The following USP40 variants were observed in gnomAD, a reference collection of about 807,000 sequenced individuals.
The protein encoded by USP40 is ubiquitin specific peptidase 40.
In USP40, 143 loss-of-function variants were observed where a neutral mutation model predicts 166.2. The ratio of observed to expected loss-of-function variants is 0.86; its 90% CI spans 0.75 to 0.99. USP40 has a LOEUF of 0.99. USP40 is among the 50% of genes least tolerant of loss of function. The probability of loss-of-function intolerance (pLI) is 0.00; values close to 1 mark genes in which losing one functional copy is unlikely to be tolerated. For synonymous variants in USP40, 498 were observed against 524.0 expected (o/e 0.95, Z 0.68); for missense variants, 1,444 against 1,479.7 (o/e 0.98, Z 0.40).
At position 233,524,580 on chromosome 2, in the gene USP40, G is replaced by A. The variant is rs2067885397; in HGVS notation, c.1811-18C>T. 1.3e-6 allele frequency: 2 copies of A among 1,569,146 alleles called. No individual in the cohort carries two copies. The highest frequency in any genetic ancestry group is 1.9e-5 in the Admixed American group (1 of 53,364). Reference sequence around the variant, plus strand: ...TTCATCCCCTAGAAAGAGATCACCAGTGAGACCATTCATCATGACCATCAG... The same window carrying A: ...TTCATCCCCTAGAAAGAGATCACCAATGAGACCATTCATCATGACCATCAG... On this transcript the variant is annotated intron_variant, in intron 14 of 31. Transcript: ENST00000678225.
At chr2:233,545,521 G>A (rs1192408760) in intron 8 of USP40, 1 of 152,250 alleles carries the variant, frequency 6.6e-6, no homozygotes, top group Non-Finnish European at 1.5e-5. Flanking sequence ...TGAAGCCAAA[G>A]TCCCCCCAGG....
intron 3 of USP40, among the ~76,000 whole-genome samples, 160 bp from the exon 4 acceptor site, chr2:233,560,084 T>A (rs1281581951): frequency 6.6e-6 from 1 of 152,248 alleles, no homozygotes; most frequent in Non-Finnish European, 1.5e-5. Context: ...ATTCAGTTCT[T>A]CTGTGAAAAT....
intron 28 of USP40, chr2:233,487,920 G>A: frequency 1.7e-6 from 1 of 571,792 alleles, no homozygotes. Flanking sequence ...TGAATCCGTT[G>A]GATGGCAGAC....
chr2:233,479,367 A>G (rs147072799), intron 31 of USP40, among the ~76,000 whole-genome samples: 3 of 152,134 alleles, frequency 2.0e-5, no homozygotes, highest in Non-Finnish European at 4.4e-5. Context: ...GATTGAGACC[A>G]TCCTGGCCAA....
chr2:233,529,358 G>T, intron 12 of USP40, 73 bp downstream of exon 12: 5 of 1,229,404 alleles, frequency 4.1e-6, no homozygotes, highest in South Asian at 1.6e-5. Flanking sequence ...TTTCATTACT[G>T]AATGCTTAAG....
intron 6 of USP40, among the ~76,000 whole-genome samples, chr2:233,553,758 T>C (rs1466246662): frequency 6.6e-6 from 1 of 152,228 alleles, no homozygotes; most frequent in African/African-American, 2.4e-5. Context: ...ATTTGAGAAA[T>C]GTCAGAATTC....
rs2068400501 is a variant in USP40, at chr2:233,530,188, CATA to C, written c.1472-679_1472-677del. 2.1e-5 allele frequency among the ~76,000 whole-genome samples: 3 copies of C among 144,792 alleles called. No homozygotes were observed. In the South Asian group the frequency reaches 6.8e-4, roughly 33 times the overall value. 95.0% of individuals were successfully genotyped at this position (144,792 alleles called of 152,430 possible). On this transcript the variant is annotated intron_variant, in intron 11 of 31. Transcript: ENST00000678225. ...AAGTGTAAAAGAAATAGATACTGCT[CATA>C]ATTTCACTCCCAAGACACACACACA...
intron 15 of USP40, among the ~76,000 whole-genome samples, chr2:233,524,189 G>C (rs2067854875): frequency 6.6e-6 from 1 of 152,120 alleles, no homozygotes; most frequent in Admixed American, 6.5e-5. Context: ...GAGTGCAGTG[G>C]TGTAATCTCA....
Position 233,494,915 on chromosome 2 carries a change from C to CATTTATATATATATATATATATATATAT in USP40, c.2791-1365_2791-1364insATATATATATATATATATATATATAAAT, listed in dbSNP as rs1265219527. ...ATATACTCATATACAAGCAAAATGG[C>CATTTATATATATATATATATATATATAT]ATATATATATATATATATATATATA... On this transcript the variant is annotated intron_variant, in intron 24 of 31. Coordinates refer to ENST00000678225, the MANE Select transcript of USP40 (RefSeq NM_001365479.2). 1.8e-4 allele frequency among the ~76,000 whole-genome samples: 2 copies of CATTTATATATATATATATATATATATAT among 11,370 alleles called. 1 individual carries two copies. Among genetic ancestry groups the CATTTATATATATATATATATATATATAT allele is most frequent in the Non-Finnish European group, 3.4e-4 (2 of 5,880 alleles). 7.5% of individuals were successfully genotyped at this position (11,370 alleles called of 152,430 possible).
chr2:233,481,053 G>C, intron 31 of USP40, 150 bp downstream of exon 31: 1 of 664,868 alleles, frequency 1.5e-6, no homozygotes, highest in Non-Finnish European at 2.5e-6. Context: ...AAAGAACGCA[G>C]GGGGCGGAGA....
Position 233,523,294 on chromosome 2 carries a change from C to T in USP40, c.2077G>A (p.Ala693Thr). The T allele has an allele frequency of 6.2e-7, 1 of 1,614,010 alleles. No homozygotes were observed. Among genetic ancestry groups the T allele is most frequent in the Non-Finnish European group, 8.5e-7 (1 of 1,179,888 alleles). Residue 693 changes from alanine to threonine, a missense_variant, in exon 16 of 32, where the codon GCT becomes ACT. Coordinates refer to ENST00000678225, the MANE Select transcript of USP40 (RefSeq NM_001365479.2). Reference sequence around the variant, plus strand: ...CAACCCTCCCCACCTGGACATCCAGCACTGTTGATGAAGATGACACCTGCT... The same window carrying T: ...CAACCCTCCCCACCTGGACATCCAGTACTGTTGATGAAGATGACACCTGCT... ...IPAGVIFINS[A>T]GCPGGEGWTA...
intron 6 of USP40, 149 bp downstream of exon 6, chr2:233,554,230 TA>T (rs1386989059): frequency 1.6e-5 from 14 of 874,484 alleles, no homozygotes; most frequent in Non-Finnish European, 2.2e-5. Flanking sequence ...TTCATTATTG[TA>T]AAAAATTAAA....
At chr2:233,494,987 CAT>C (rs1400230871) in intron 24 of USP40, among the ~76,000 whole-genome samples, 846 of 67,744 alleles carry the variant, frequency 0.012, 41 homozygotes, top group African/African-American at 0.054. Flanking sequence ...TATACACACA[CAT>C]AAAAAATAAA....
intron 10 of USP40, among the ~76,000 whole-genome samples, chr2:233,539,567 T>A (rs1172599763): frequency 6.6e-6 from 1 of 151,868 alleles, no homozygotes; most frequent in African/African-American, 2.4e-5. Context: ...TATTTCAAAC[T>A]GAATGAAAAT....
At chr2:233,563,480 T>C (rs2071849843) in intron 2 of USP40, among the ~76,000 whole-genome samples, 1 of 152,170 alleles carries the variant, frequency 6.6e-6, no homozygotes, top group Non-Finnish European at 1.5e-5. Context: ...TGTCTCCCTA[T>C]TGAAAAACTA....
chr2:233,478,327 G>A (rs765323603), intron 31 of USP40, among the ~76,000 whole-genome samples: 17 of 152,286 alleles, frequency 1.1e-4, no homozygotes, highest in East Asian at 3.9e-4. Flanking sequence ...GTGACTCTGC[G>A]TCCTCAACAC....
rs539536366 is a variant in USP40, at chr2:233,490,186, C to T, written c.3013-703G>A. 1.2e-3 allele frequency among the ~76,000 whole-genome samples: 134 copies of T among 108,428 alleles called. 1 individual carries two copies. Among genetic ancestry groups the T allele is most frequent in the African/African-American group, 4.2e-3 (117 of 27,818 alleles). The allele number at this position is 108,428 out of a possible 152,430, so 71.1% of individuals were successfully genotyped here. On this transcript the variant is annotated intron_variant, in intron 26 of 31. Transcript: ENST00000678225. The stretch of plus-strand genomic sequence containing the variant: ...TTTTTTTTTTTTTTTTTTTTTGAGA[C>T]GGAGTCTCACTCTGTCACCCAGCCT...
Position 233,510,078 on chromosome 2 carries a change from C to A in USP40, c.2584G>T (p.Val862Leu). 1 of 1,600,054 alleles carries A rather than the reference C, an allele frequency of 6.2e-7. No individual in the cohort carries two copies. Among genetic ancestry groups the A allele is most frequent in the South Asian group, 1.1e-5 (1 of 88,032 alleles). Reference protein sequence around the residue: ...DVQPGTEMEIVVEETISVRDC... With the variant: ...DVQPGTEMEILVEETISVRDC... Reference sequence around the variant, plus strand: ...CTCACAGATATTGTTTCTTCTACTACGATTTCCATTTCTGTCCCAGGTTGA... The same window carrying A: ...CTCACAGATATTGTTTCTTCTACTAAGATTTCCATTTCTGTCCCAGGTTGA... Residue 862 changes from valine (V) to leucine (L), a missense_variant, in exon 21 of 32, where the codon GTA (valine) becomes TTA (leucine). Transcript: ENST00000678225.
chr2:233,511,257 G>C (rs1172509906), intron 20 of USP40, among the ~76,000 whole-genome samples: 1 of 152,186 alleles, frequency 6.6e-6, no homozygotes, highest in Admixed American at 6.5e-5. Flanking sequence ...TTAGTGCAGA[G>C]AGTAATTAAG....
Sources: gnomAD v4.1 joint callset for allele counts (sites outside exome capture counted in the v4.1 genomes callset) on GRCh38, gnomAD v4.1.1 for gene constraint, MANE v1.5 for transcripts, NCBI Gene and HGNC (gene_info 2026-07-23, HGNC 2026-07-21) for gene names.